The following KCNQ1OT1 variants were observed in gnomAD, a reference collection of about 807,000 sequenced individuals.
KCNQ1OT1 encodes KCNQ1 antisense RNA 2 (non-protein coding).
Position 2,690,281 on chromosome 11 carries a change from G to A in KCNQ1OT1, n.9714C>T, listed in dbSNP as rs1850567353. 2 of 398,620 alleles carry A rather than the reference G, an allele frequency of 5.0e-6. No homozygotes were observed. Among genetic ancestry groups the A allele is most frequent in the East Asian group, 3.6e-5 (1 of 28,096 alleles). The allele number at this position is 398,620 out of a possible 1,614,324, so 24.7% of individuals were successfully genotyped here. A position where few individuals can be genotyped will look rare whatever the true frequency, so the allele number is the denominator to read the frequency against. ...CTCCTTGCTGCATCTGCACATATGT[G>A]TAGTGTCTTCCTCCCTGTAGGATTG... On this transcript the variant is annotated non_coding_transcript_exon_variant, in exon 1 of 1. Transcript: ENST00000597346. The surrounding 1 kb of genome is among the most constrained non-coding windows in gnomAD (Gnocchi z 5.1).
At chr11:2,667,255 A>C in exon 1 of KCNQ1OT1, 1 of 398,632 alleles carries the variant, frequency 2.5e-6, no homozygotes, top group Non-Finnish European at 4.4e-6. Context: ...CACGTGAGGA[A>C]GAAGCGGCTG....
Position 2,617,491 on chromosome 11 carries a change from C to T in KCNQ1OT1, n.82504G>A, listed in dbSNP as rs1373953475. On this transcript the variant is annotated non_coding_transcript_exon_variant, in exon 1 of 1. Coordinates refer to ENST00000597346, the Ensembl canonical transcript of KCNQ1OT1. This position sits in a 1 kb window ranked among gnomAD's most constrained non-coding sequence, Gnocchi z 4.6. ...TCAATGGACACGTAAGTTTTCATAT[C>T]GTGACTCATGCATATAATGCCACAA... The T allele has an allele frequency of 1.0e-5, 4 of 398,388 alleles. No homozygotes were observed. The highest frequency in any genetic ancestry group is 1.8e-5 in the Non-Finnish European group (4 of 225,958). The allele number at this position is 398,388 out of a possible 1,614,324, so 24.7% of individuals were successfully genotyped here.
In KCNQ1OT1 at chr11:2,645,030, C is replaced by A. The variant is rs150063693; in HGVS notation, n.54965G>T. The A allele has an allele frequency of 1.5e-3, 615 of 398,774 alleles. 3 individuals are homozygous for A. The East Asian group carries it at 0.018, about 12-fold the overall frequency. The allele number at this position is 398,774 out of a possible 1,614,324, so 24.7% of individuals were successfully genotyped here. On this transcript the variant is annotated non_coding_transcript_exon_variant, in exon 1 of 1. Transcript: ENST00000597346. The surrounding 1 kb of genome is among the most constrained non-coding windows in gnomAD (Gnocchi z 5.8). ...GTCCAGGGAAACCAATTTTGGGCCT[C>A]CAGGCAACTTGCTCAGGTGCCAATG...
chr11:2,655,830 C>G (rs1484872867), exon 1 of KCNQ1OT1: 2 of 398,528 alleles, frequency 5.0e-6, no homozygotes, highest in Non-Finnish European at 8.8e-6. Flanking sequence ...AGCCAGCAGA[C>G]AATAACCTCT....
Position 2,620,958 on chromosome 11 carries a change from G to A in KCNQ1OT1, n.79037C>T. ...TTGTTGTTTTGTTTTGTTTTTTTTT[G>A]TCTGTTTTTTGCTTTTTTGTTTGTT... On this transcript the variant is annotated non_coding_transcript_exon_variant, in exon 1 of 1. Coordinates refer to ENST00000597346, the Ensembl canonical transcript of KCNQ1OT1. This position sits in a 1 kb window ranked among gnomAD's most constrained non-coding sequence, Gnocchi z 4.5. 3.6e-6 allele frequency: 1 copy of A among 275,706 alleles called. No individual in the cohort carries two copies. The allele number at this position is 275,706 out of a possible 1,614,324, so 17.1% of individuals were successfully genotyped here.
In KCNQ1OT1 at chr11:2,620,999, A is replaced by G; in HGVS notation, n.78996T>C. The G allele has an allele frequency of 2.5e-6, 1 of 393,712 alleles. No homozygotes were observed. The highest frequency in any genetic ancestry group is 4.4e-6 in the Non-Finnish European group (1 of 225,072). The allele number at this position is 393,712 out of a possible 1,614,324, so 24.4% of individuals were successfully genotyped here. A position where few individuals can be genotyped will look rare whatever the true frequency, so the allele number is the denominator to read the frequency against. On this transcript the variant is annotated non_coding_transcript_exon_variant, in exon 1 of 1. Transcript: ENST00000597346. The surrounding 1 kb of genome is among the most constrained non-coding windows in gnomAD (Gnocchi z 4.5). ...TTTGTTTGTTTGTTTGTTTTTTGAG[A>G]AAGAGTCTTGCTCTGTCTCCCAGGC...
chr11:2,644,786 G>C (rs139384812), exon 1 of KCNQ1OT1: 6 of 398,498 alleles, frequency 1.5e-5, no homozygotes, highest in African/African-American at 1.0e-4. Flanking sequence ...GCAGTAGTGT[G>C]ATCTCCATGG....
chr11:2,699,478 G>A, exon 1 of KCNQ1OT1: 1 of 382,410 alleles, frequency 2.6e-6, no homozygotes, highest in Non-Finnish European at 4.6e-6. Context: ...CCGCGCTGAG[G>A]AGCCCCCGGG....
At chr11:2,633,048 C>T (rs1564839680) in exon 1 of KCNQ1OT1, 1 of 398,340 alleles carries the variant, frequency 2.5e-6, no homozygotes, top group Non-Finnish European at 4.4e-6. Flanking sequence ...TGTATTATTT[C>T]CCTTTTCTCT....
In KCNQ1OT1 at chr11:2,682,734, C is replaced by T; in HGVS notation, n.17261G>A. The T allele has an allele frequency of 2.5e-6, 1 of 398,630 alleles. No individual in the cohort carries two copies. The highest frequency in any genetic ancestry group is 4.4e-6 in the Non-Finnish European group (1 of 226,084). The allele number at this position is 398,630 out of a possible 1,614,324, so 24.7% of individuals were successfully genotyped here. On this transcript the variant is annotated non_coding_transcript_exon_variant, in exon 1 of 1. Coordinates refer to ENST00000597346, the Ensembl canonical transcript of KCNQ1OT1. The surrounding 1 kb of genome is among the most constrained non-coding windows in gnomAD (Gnocchi z 5.8). ...CTCTAGTCATAAAGAATCTCTTCCC[C>T]TTGAGCCCACTCATCTCTGTTGACA...
exon 1 of KCNQ1OT1, chr11:2,667,079 A>G (rs531785396): frequency 1.8e-4 from 72 of 398,648 alleles, no homozygotes; most frequent in African/African-American, 1.4e-3. Flanking sequence ...CGGGGGGATT[A>G]AATGTTCTTC....
chr11:2,677,407 G>A lies in KCNQ1OT1; in HGVS notation n.22588C>T. The A allele has an allele frequency of 2.5e-6, 1 of 398,572 alleles. No individual in the cohort carries two copies. The highest frequency in any genetic ancestry group is 3.6e-5 in the East Asian group (1 of 28,068). The allele number at this position is 398,572 out of a possible 1,614,324, so 24.7% of individuals were successfully genotyped here. A position where few individuals can be genotyped will look rare whatever the true frequency, so the allele number is the denominator to read the frequency against. ...GAAACCAAGATCGATGCCTAGATAA[G>A]CATTTCAGAGGACAGCAGGGGAGAT... On this transcript the variant is annotated non_coding_transcript_exon_variant, in exon 1 of 1. Coordinates refer to ENST00000597346, the Ensembl canonical transcript of KCNQ1OT1. The surrounding 1 kb of genome is among the most constrained non-coding windows in gnomAD (Gnocchi z 4.5).
chr11:2,623,773 T>C lies in KCNQ1OT1; in HGVS notation n.76222A>G, dbSNP rs2133807416. On this transcript the variant is annotated non_coding_transcript_exon_variant, in exon 1 of 1. Transcript: ENST00000597346. This position sits in a 1 kb window ranked among gnomAD's most constrained non-coding sequence, Gnocchi z 5.2. ...ATGTGAATATAAGTCTTCACCTCCT[T>C]TGAGTAAATACCAAGGATGTGATTG... The C allele has an allele frequency of 2.5e-6, 1 of 398,566 alleles. No homozygotes were observed. Among genetic ancestry groups the C allele is most frequent in the African/African-American group, 2.1e-5 (1 of 48,750 alleles). The allele number at this position is 398,566 out of a possible 1,614,324, so 24.7% of individuals were successfully genotyped here.
Position 2,654,873 on chromosome 11 carries a change from T to C in KCNQ1OT1, n.45122A>G, listed in dbSNP as rs1181472218. On this transcript the variant is annotated non_coding_transcript_exon_variant, in exon 1 of 1. Transcript: ENST00000597346. This position sits in a 1 kb window ranked among gnomAD's most constrained non-coding sequence, Gnocchi z 6.4. Reference sequence around the variant, plus strand: ...GCTCCAGGCCAGGTGGAGGGACATATTCTGGCAACTCTAGGATAAGATGTG... The same window carrying C: ...GCTCCAGGCCAGGTGGAGGGACATACTCTGGCAACTCTAGGATAAGATGTG... 1 of 398,478 alleles carries C rather than the reference T, an allele frequency of 2.5e-6. No individual in the cohort carries two copies. Among genetic ancestry groups the C allele is most frequent in the Admixed American group, 4.4e-5 (1 of 22,720 alleles). 24.7% of individuals were successfully genotyped at this position (398,478 alleles called of 1,614,324 possible).
exon 1 of KCNQ1OT1, chr11:2,609,655 TTCTC>T: frequency 2.5e-6 from 1 of 398,426 alleles, no homozygotes; most frequent in Non-Finnish European, 4.4e-6. Context: ...AATTGGCTAT[TTCTC>T]TGTTCAGTTC....
exon 1 of KCNQ1OT1, chr11:2,649,985 T>C: frequency 2.5e-6 from 1 of 398,496 alleles, no homozygotes; most frequent in Non-Finnish European, 4.4e-6. Flanking sequence ...CATTCTTTTT[T>C]ATTGTTATTT....
chr11:2,679,466 A>G lies in KCNQ1OT1; in HGVS notation n.20529T>C. 2.5e-6 allele frequency: 1 copy of G among 398,674 alleles called. No individual in the cohort carries two copies. The highest frequency in any genetic ancestry group is 4.4e-6 in the Non-Finnish European group (1 of 226,070). 24.7% of individuals were successfully genotyped at this position (398,674 alleles called of 1,614,324 possible). A position where few individuals can be genotyped will look rare whatever the true frequency, so the allele number is the denominator to read the frequency against. ...ATTACACAAATTAATAATATAAAGT[A>G]TGCAGAAAAGTGCCTGTCCTATAGT... On this transcript the variant is annotated non_coding_transcript_exon_variant, in exon 1 of 1. Transcript: ENST00000597346. This position sits in a 1 kb window ranked among gnomAD's most constrained non-coding sequence, Gnocchi z 4.8.
chr11:2,690,185 G>A lies in KCNQ1OT1; in HGVS notation n.9810C>T, dbSNP rs191617095. The stretch of plus-strand genomic sequence containing the variant: ...AGGATGTGGAAGGCTGGTCTCTCCA[G>A]AGACTGGGCTAAACTCTGCTGTGTC... On this transcript the variant is annotated non_coding_transcript_exon_variant, in exon 1 of 1. Transcript: ENST00000597346. This position sits in a 1 kb window ranked among gnomAD's most constrained non-coding sequence, Gnocchi z 5.1. 2 of 398,798 alleles carry A rather than the reference G, an allele frequency of 5.0e-6. No individual in the cohort carries two copies. Among genetic ancestry groups the A allele is most frequent in the Admixed American group, 8.8e-5 (2 of 22,746 alleles). The allele number at this position is 398,798 out of a possible 1,614,324, so 24.7% of individuals were successfully genotyped here.
At position 2,624,230 on chromosome 11, in the gene KCNQ1OT1, T is replaced by A. The variant is rs997464827; in HGVS notation, n.75765A>T. 2.5e-6 allele frequency: 1 copy of A among 398,498 alleles called. No homozygotes were observed. Among genetic ancestry groups the A allele is most frequent in the Non-Finnish European group, 4.4e-6 (1 of 226,060 alleles). The allele number at this position is 398,498 out of a possible 1,614,324, so 24.7% of individuals were successfully genotyped here. On this transcript the variant is annotated non_coding_transcript_exon_variant, in exon 1 of 1. Coordinates refer to ENST00000597346, the Ensembl canonical transcript of KCNQ1OT1. The surrounding 1 kb of genome is among the most constrained non-coding windows in gnomAD (Gnocchi z 4.9). ...TCTGTATATCTTCATTGGTGAGATG[T>A]CTGTTAAGGTCTTCAGTCCATTTTG... is the stretch of plus-strand genomic sequence containing the variant.
Sources: gnomAD v4.1 joint callset for allele counts on GRCh38, gnomAD v4.1.1 for gene constraint, Gnocchi (gnomAD v3.1) non-coding constraint, MANE v1.5 for transcripts, NCBI Gene and HGNC (gene_info 2026-07-23, HGNC 2026-07-21) for gene names.